The following PRKAR1A variants were observed in gnomAD, a reference collection of about 807,000 sequenced individuals.
PRKAR1A encodes protein kinase cAMP-dependent type I regulatory subunit alpha.
A neutral mutation model predicts 52.0 loss-of-function variants in PRKAR1A; 3 were observed. That is an observed-to-expected ratio of 0.06 (90% CI 0.03 to 0.15). PRKAR1A has a LOEUF of 0.15. Ranked by LOEUF, PRKAR1A falls within the 10% of genes least tolerant of loss-of-function variation. The pLI, the probability that PRKAR1A is intolerant of heterozygous loss-of-function variation, is 1.00. For synonymous variants in PRKAR1A, 188 were observed against 168.4 expected (o/e 1.12, Z -0.90); for missense variants, 240 against 477.4 (o/e 0.50, Z 4.63).
chr17:68,513,402 C>G (rs1479760057), intron 1 of PRKAR1A: 1 of 152,196 alleles, frequency 6.6e-6, no homozygotes, highest in Non-Finnish European at 1.5e-5. Flanking sequence ...CTAGGGGAGC[C>G]GTAACTTGGC....
intron 11 of PRKAR1A, chr17:68,539,198 G>T (rs916747550): frequency 4.3e-5 from 33 of 764,032 alleles, no homozygotes; most frequent in Non-Finnish European, 5.7e-5. Flanking sequence ...AAATGTGTAG[G>T]AAATAAGGTG....
chr17:68,419,132 G>C, the PRKAR1A span, among the ~76,000 whole-genome samples: 1 of 151,632 alleles, frequency 6.6e-6, no homozygotes, highest in Non-Finnish European at 1.5e-5. Flanking sequence ...TCGAATCCAC[G>C]TAAGACTGTC....
chr17:68,539,815 C>G, intron 11 of PRKAR1A: 2 of 1,497,602 alleles, frequency 1.3e-6, no homozygotes, highest in Non-Finnish European at 1.9e-6. Flanking sequence ...TCTGTTTCCC[C>G]CGAGCAGCTG....
intron 3 of PRKAR1A, among the ~76,000 whole-genome samples, chr17:68,523,181 G>A (rs1466748909): frequency 6.6e-6 from 1 of 152,168 alleles, no homozygotes; most frequent in Non-Finnish European, 1.5e-5. Flanking sequence ...AGTAGAAGGA[G>A]GTGGGCGGTA....
chr17:68,433,203 C>T, the PRKAR1A span, among the ~76,000 whole-genome samples: 1 of 152,244 alleles, frequency 6.6e-6, no homozygotes, highest in Admixed American at 6.5e-5. Context: ...AACTGAAGGA[C>T]ACAGATCTAA....
chr17:68,482,331 C>A, the PRKAR1A span, among the ~76,000 whole-genome samples: 1 of 152,172 alleles, frequency 6.6e-6, no homozygotes, highest in Non-Finnish European at 1.5e-5. Flanking sequence ...TGTTATTACT[C>A]TTTGACAGAC....
chr17:68,513,425 G>A (rs779370856), intron 1 of PRKAR1A, among the ~76,000 whole-genome samples: 1 of 152,186 alleles, frequency 6.6e-6, no homozygotes, highest in African/African-American at 2.4e-5. Context: ...GTCTAAGGGG[G>A]TGCGGTCTGA....
chr17:68,515,492 C>T lies in PRKAR1A; in HGVS notation c.93C>T (p.Leu31=), dbSNP rs891869550. Residue 31 remains leucine (L), a synonymous_variant, in exon 2 of 11, where the codon CTC becomes CTT. Coordinates refer to ENST00000589228, the MANE Select transcript of PRKAR1A (RefSeq NM_002734.5). ...AGAAGCATAACATTCAAGCGCTGCT[C>T]AAAGATTCTATTGTGCAGTTGTGCA... The part of the protein sequence containing the change: ...YVQKHNIQAL[L]KDSIVQLCTA... 2.5e-6 allele frequency: 4 copies of T among 1,613,286 alleles called. No individual in the cohort carries two copies. The highest frequency in any genetic ancestry group is 2.7e-5 in the African/African-American group (2 of 74,840).
the PRKAR1A span, among the ~76,000 whole-genome samples, chr17:68,492,046 A>C: frequency 6.6e-6 from 1 of 152,212 alleles, no homozygotes; most frequent in South Asian, 2.1e-4. Flanking sequence ...ATCTCAGGAG[A>C]TATCCGCAAG....
chr17:68,421,447 T>C, the PRKAR1A span: 3 of 324,516 alleles, frequency 9.2e-6, no homozygotes, highest in African/African-American at 2.1e-5. Flanking sequence ...AAGTACATTT[T>C]TTACACGGCA....
At chr17:68,441,530 C>T in the PRKAR1A span, among the ~76,000 whole-genome samples, 8 of 152,220 alleles carry the variant, frequency 5.3e-5, no homozygotes, top group African/African-American at 1.9e-4. Flanking sequence ...GATAAGGCGA[C>T]TCCTGGCCTC....
intron 11 of PRKAR1A, chr17:68,540,405 T>G (rs2086232264): frequency 2.2e-6 from 1 of 453,172 alleles, no homozygotes; most frequent in Non-Finnish European, 4.4e-6. Context: ...CCTAAGCTCC[T>G]GTATGACGGC....
chr17:68,442,670 A>G, the PRKAR1A span, among the ~76,000 whole-genome samples: 1 of 152,102 alleles, frequency 6.6e-6, no homozygotes, highest in Non-Finnish European at 1.5e-5. Context: ...CAAATCCCTG[A>G]AGGCCCAGCT....
At chr17:68,425,857 C>G in the PRKAR1A span, 18 of 521,034 alleles carry the variant, frequency 3.5e-5, no homozygotes, top group Admixed American at 6.0e-4. Context: ...TTCGGTGACT[C>G]TAATGCCATC....
chr17:68,489,981 A>G, the PRKAR1A span, among the ~76,000 whole-genome samples: 1 of 152,216 alleles, frequency 6.6e-6, no homozygotes, highest in Non-Finnish European at 1.5e-5. Flanking sequence ...AGAGAGAGGG[A>G]ATGCCATTTG....
the PRKAR1A span, among the ~76,000 whole-genome samples, chr17:68,497,901 G>A: frequency 2.0e-5 from 3 of 152,264 alleles, no homozygotes; most frequent in East Asian, 5.8e-4. Flanking sequence ...CAACAACAAG[G>A]CAGAGAAATA....
At chr17:68,535,601 AG>A (rs1356567139), downstream of PRKAR1A, 3 of 453,990 alleles carry the variant, frequency 6.6e-6, no homozygotes, top group Non-Finnish European at 1.3e-5. Context: ...ATGCTGCAGT[AG>A]GGCCACAACA....
chr17:68,503,052 C>T, the PRKAR1A span, among the ~76,000 whole-genome samples: 1 of 152,080 alleles, frequency 6.6e-6, no homozygotes, highest in Admixed American at 6.6e-5. Flanking sequence ...AAAGAAATGG[C>T]CAAAGACCTA....
chr17:68,466,675 G>A, the PRKAR1A span, among the ~76,000 whole-genome samples: 1 of 151,934 alleles, frequency 6.6e-6, no homozygotes, highest in Non-Finnish European at 1.5e-5. Flanking sequence ...GCCTCCCAAA[G>A]TGCTGAGATT....
Sources: gnomAD v4.1 joint callset for allele counts (sites outside exome capture counted in the v4.1 genomes callset) on GRCh38, gnomAD v4.1.1 for gene constraint, MANE v1.5 for transcripts, NCBI Gene and HGNC (gene_info 2026-07-23, HGNC 2026-07-21) for gene names.